DRC2: variants seen among roughly 807,000 people sequenced by gnomAD.
DRC2 encodes the protein dynein regulatory complex subunit 2.
At chr12:48,911,658 C>G in the DRC2 span, among the ~76,000 whole-genome samples, 1 of 152,092 alleles carries the variant, frequency 6.6e-6, no homozygotes, top group Admixed American at 6.6e-5. Flanking sequence ...CACTCTGTTG[C>G]CCAGGTTAGT....
chr12:48,912,444 A>AAAAAAAAAAAAAAAAAAAAC, the DRC2 span, among the ~76,000 whole-genome samples: 1 of 148,556 alleles, frequency 6.7e-6, no homozygotes, highest in East Asian at 2.0e-4. Context: ...TCTCAAAAAA[A>AAAAAAAAAAAAAAAAAAAAC]AAAAAAAAAA....
chr12:48,916,885 C>A, the DRC2 span: 1 of 1,331,284 alleles, frequency 7.5e-7, no homozygotes, highest in Non-Finnish European at 1.0e-6. Context: ...GTACCATTCA[C>A]ATAGATTACA....
chr12:48,921,001 T>C, the DRC2 span: 10 of 1,613,966 alleles, frequency 6.2e-6, no homozygotes, highest in Non-Finnish European at 6.8e-6. Flanking sequence ...TGCTGCCTTT[T>C]TATTCATCAG....
At chr12:48,909,778 CTTT>C in the DRC2 span, among the ~76,000 whole-genome samples, 159 of 138,980 alleles carry the variant, frequency 1.1e-3, 1 homozygote, top group African/African-American at 3.8e-3. Context: ...CGCCCAGCCT[CTTT>C]TTTTTTTTTT....
chr12:48,915,427 G>A, the DRC2 span, among the ~76,000 whole-genome samples: 1 of 145,620 alleles, frequency 6.9e-6, no homozygotes, highest in African/African-American at 2.5e-5. Flanking sequence ...CAGGGTTGGG[G>A]GTAAGGTCAC....
the DRC2 span, among the ~76,000 whole-genome samples, chr12:48,909,978 T>G: frequency 6.6e-6 from 1 of 151,554 alleles, no homozygotes; most frequent in Non-Finnish European, 1.5e-5. Flanking sequence ...CGGGGCTTCA[T>G]CATGTTGGCC....
chr12:48,920,987 A>C, the DRC2 span: 2 of 1,613,876 alleles, frequency 1.2e-6, no homozygotes, highest in South Asian at 2.2e-5. Context: ...CGAAGAAGAA[A>C]AAGTGCTGCC....
chr12:48,912,437 C>CAAAAAAAAAAAA, the DRC2 span, among the ~76,000 whole-genome samples: 105 of 45,344 alleles, frequency 2.3e-3, 20 homozygotes, highest in African/African-American at 5.8e-3. Context: ...GACGCCGTCT[C>CAAAAAAAAAAAA]AAAAAAAAAA....
the DRC2 span, among the ~76,000 whole-genome samples, chr12:48,912,445 A>AAAAAAAAAAAAAAAAAAAAAAAAAC: frequency 6.7e-6 from 1 of 148,748 alleles, no homozygotes; most frequent in Non-Finnish European, 1.5e-5. Context: ...CTCAAAAAAA[A>AAAAAAAAAAAAAAAAAAAAAAAAAC]AAAAAAAAAA....
the DRC2 span, chr12:48,904,153 G>A: frequency 2.9e-5 from 20 of 701,314 alleles, no homozygotes; most frequent in Non-Finnish European, 4.5e-5. Flanking sequence ...TACAGTGGGA[G>A]AGCTCAGCCT....
At chr12:48,916,540 G>A in the DRC2 span, among the ~76,000 whole-genome samples, 1 of 152,366 alleles carries the variant, frequency 6.6e-6, no homozygotes, top group Admixed American at 6.5e-5. Flanking sequence ...AGTGAGCCGA[G>A]ATGGCAGCAG....
At chr12:48,913,652 G>A in the DRC2 span, among the ~76,000 whole-genome samples, 3 of 152,008 alleles carry the variant, frequency 2.0e-5, no homozygotes, top group East Asian at 5.8e-4. Flanking sequence ...TGCCACCATG[G>A]CCGGAATTTT....
At chr12:48,912,363 G>C in the DRC2 span, among the ~76,000 whole-genome samples, 1 of 145,102 alleles carries the variant, frequency 6.9e-6, no homozygotes, top group Non-Finnish European at 1.5e-5. Flanking sequence ...CCGGGAGAGG[G>C]AGCTTGCAGT....
chr12:48,920,486 G>GTT, the DRC2 span, among the ~76,000 whole-genome samples: 3 of 111,216 alleles, frequency 2.7e-5, no homozygotes, highest in Non-Finnish European at 1.9e-5. Context: ...GAATGAGTTT[G>GTT]TTTTTTTTTT....
chr12:48,916,928 C>A, the DRC2 span: 1 of 1,595,632 alleles, frequency 6.3e-7, no homozygotes, highest in Non-Finnish European at 8.6e-7. Flanking sequence ...TGGTCAATAT[C>A]CTGTATCCCT....
At chr12:48,905,705 C>T in the DRC2 span, among the ~76,000 whole-genome samples, 13 of 152,186 alleles carry the variant, frequency 8.5e-5, no homozygotes, top group African/African-American at 2.9e-4. Flanking sequence ...TTTTCTGTAC[C>T]CCTTCTTTTG....
the DRC2 span, chr12:48,905,164 T>C: frequency 6.8e-7 from 1 of 1,478,170 alleles, no homozygotes; most frequent in Non-Finnish European, 9.2e-7. Flanking sequence ...GACCTCTTAA[T>C]AGAATGAGCC....
the DRC2 span, among the ~76,000 whole-genome samples, chr12:48,916,526 T>C: frequency 4.0e-5 from 6 of 151,684 alleles, no homozygotes; most frequent in East Asian, 5.8e-4. Flanking sequence ...GGCAGGGAGG[T>C]TGCAGTGAGC....
the DRC2 span, among the ~76,000 whole-genome samples, chr12:48,919,679 G>A: frequency 6.6e-5 from 10 of 151,858 alleles, 1 homozygote; most frequent in East Asian, 9.8e-4. Flanking sequence ...CACCACACCC[G>A]GCTAATTTTT....
Sources: gnomAD v4.1 joint callset for allele counts (sites outside exome capture counted in the v4.1 genomes callset) on GRCh38, gnomAD v4.1.1 for gene constraint, MANE v1.5 for transcripts, NCBI Gene and HGNC (gene_info 2026-07-23, HGNC 2026-07-21) for gene names.